Variants in UNC5C observed in about 807,000 individuals in gnomAD.
UNC5C encodes netrin receptor UNC5C.
A neutral mutation model predicts 99.8 loss-of-function variants in UNC5C; 47 were observed. The observed-to-expected ratio is 0.47, with a 90% CI of 0.37 to 0.60. UNC5C has a LOEUF of 0.60. Among genes scored for constraint, UNC5C ranks in the 20% least tolerant of loss-of-function variants. UNC5C has a pLI of 0.00. For missense variants in UNC5C, 1,062 were observed against 1,165.9 expected, an observed-to-expected ratio of 0.91 and a Z score of 1.30; for synonymous variants, 487 against 452.2, an observed-to-expected ratio of 1.08 and a Z score of -0.98.
chr4:95,190,324 A>T (rs1737022285), intron 12 of UNC5C, among the ~76,000 whole-genome samples: 1 of 128,866 alleles, frequency 7.8e-6, no homozygotes, highest in Non-Finnish European at 1.6e-5. Context: ...GGAACATCAC[A>T]CACCGGGGAC....
At chr4:95,287,510 A>G (rs1741278271) in intron 3 of UNC5C, among the ~76,000 whole-genome samples, 1 of 152,218 alleles carries the variant, frequency 6.6e-6, no homozygotes, top group Non-Finnish European at 1.5e-5. Context: ...AAGAGTGGTT[A>G]TGATCTGAAT....
At chr4:95,256,857 A>C (rs1740017242) in intron 4 of UNC5C, among the ~76,000 whole-genome samples, 1 of 151,872 alleles carries the variant, frequency 6.6e-6, no homozygotes, top group Non-Finnish European at 1.5e-5. Context: ...GGAAGGGTCC[A>C]GCATGGGACG....
intron 7 of UNC5C, among the ~76,000 whole-genome samples, chr4:95,228,475 CAA>C (rs768991536): frequency 6.6e-5 from 10 of 152,174 alleles, no homozygotes; most frequent in Non-Finnish European, 1.5e-4. Flanking sequence ...CACAAACTTG[CAA>C]ACCCCCAGGA....
At chr4:95,214,161 T>C (rs1233597954) in intron 10 of UNC5C, among the ~76,000 whole-genome samples, 2 of 152,222 alleles carry the variant, frequency 1.3e-5, no homozygotes, top group Non-Finnish European at 1.5e-5. Flanking sequence ...ATTCTTGCCA[T>C]TGTGTTTTAC....
chr4:95,227,139 G>GTT (rs11366627), intron 7 of UNC5C, among the ~76,000 whole-genome samples: 22 of 144,828 alleles, frequency 1.5e-4, no homozygotes, highest in African/African-American at 4.9e-4. Context: ...TTAAAACAAT[G>GTT]TTTTTTTTTT....
intron 1 of UNC5C, among the ~76,000 whole-genome samples, chr4:95,514,676 T>G (rs1722169147): frequency 6.7e-6 from 1 of 149,666 alleles, no homozygotes; most frequent in Non-Finnish European, 1.5e-5. Context: ...TACACATATA[T>G]ATATATTTTT....
intron 1 of UNC5C, among the ~76,000 whole-genome samples, chr4:95,358,602 G>GT (rs1035952575): frequency 4.6e-5 from 7 of 152,108 alleles, no homozygotes; most frequent in Non-Finnish European, 7.4e-5. Flanking sequence ...CCTTCTCCAC[G>GT]TGAGTCCTCA....
chr4:95,333,737 G>A (rs1168631077), intron 2 of UNC5C, among the ~76,000 whole-genome samples: 4 of 151,650 alleles, frequency 2.6e-5, no homozygotes, highest in African/African-American at 9.7e-5. Context: ...AAAAAGAATA[G>A]TTTTGTTTCT....
intron 1 of UNC5C, among the ~76,000 whole-genome samples, chr4:95,341,504 AG>A (rs1743578813): frequency 6.7e-6 from 1 of 148,608 alleles, no homozygotes; most frequent in African/African-American, 2.5e-5. Context: ...AAGAAGAAAG[AG>A]AGAGAAAGAA....
At chr4:95,423,483 T>G (rs1443827576) in intron 1 of UNC5C, among the ~76,000 whole-genome samples, 5 of 152,222 alleles carry the variant, frequency 3.3e-5, no homozygotes, top group African/African-American at 1.2e-4. Flanking sequence ...ATTCTATCCA[T>G]GGATCACTAC....
intron 1 of UNC5C, among the ~76,000 whole-genome samples, chr4:95,438,726 G>A (rs1746861435): frequency 6.6e-6 from 1 of 152,102 alleles, no homozygotes; most frequent in Non-Finnish European, 1.5e-5. Flanking sequence ...TTTCCATTCT[G>A]CATCTGATGA....
chr4:95,450,153 C>T (rs148602029), intron 1 of UNC5C, among the ~76,000 whole-genome samples: 14 of 152,338 alleles, frequency 9.2e-5, no homozygotes, highest in African/African-American at 3.4e-4. Context: ...TCCACCATGT[C>T]ATCACTGCAT....
chr4:95,249,773 C>T (rs1187219007), intron 5 of UNC5C, among the ~76,000 whole-genome samples: 2 of 152,178 alleles, frequency 1.3e-5, no homozygotes, highest in African/African-American at 4.8e-5. Context: ...TAAGAAGTTG[C>T]TTCGTTGGAC....
Position 95,182,331 on chromosome 4 carries a change from A to C in UNC5C, c.2451+566T>G, listed in dbSNP as rs1370258546. Among the ~76,000 whole-genome samples, 7 of 152,144 alleles carry C rather than the reference A, an allele frequency of 4.6e-5. 1 individual carries two copies. ...GGCATATTTCCCCCATCCCGGAGGA[A>C]AGTGTATCTCTCTTTATATTTAGAG... On this transcript the variant is annotated intron_variant, in intron 14 of 15. Coordinates refer to ENST00000453304, the MANE Select transcript of UNC5C (RefSeq NM_003728.4).
chr4:95,354,479 A>ATATATATATATATATATT, intron 1 of UNC5C, among the ~76,000 whole-genome samples: 16 of 110,344 alleles, frequency 1.5e-4, no homozygotes, highest in African/African-American at 4.0e-4. Flanking sequence ...ATATATATAT[A>ATATATATATATATATATT]TTTTTTTTTT....
Position 95,374,513 on chromosome 4 carries a change from T to G in UNC5C, c.125-38882A>C, listed in dbSNP as rs537618512. Among the ~76,000 whole-genome samples the G allele has an allele frequency of 3.3e-5, 5 of 152,040 alleles. No individual in the cohort carries two copies. In the South Asian group the frequency reaches 1.0e-3, roughly 32 times the overall value. On this transcript the variant is annotated intron_variant, in intron 1 of 15. Coordinates refer to ENST00000453304, the MANE Select transcript of UNC5C (RefSeq NM_003728.4). ...GTCGCTCCTTGGCCTCCCCTCAGAA[T>G]CAGGGATTTACACACTGACAGCAAG...
At chr4:95,531,287 C>T (rs1474109343) in intron 1 of UNC5C, among the ~76,000 whole-genome samples, 2 of 152,166 alleles carry the variant, frequency 1.3e-5, no homozygotes, top group African/African-American at 2.4e-5. Context: ...CCATTATGGG[C>T]ACCTGCTGCT....
At chr4:95,389,382 G>A (rs538460974) in intron 1 of UNC5C, among the ~76,000 whole-genome samples, 2 of 152,202 alleles carry the variant, frequency 1.3e-5, no homozygotes, top group South Asian at 2.1e-4. Context: ...GCAAAATAAA[G>A]CACTAGTCAA....
Position 95,219,981 on chromosome 4 carries a change from T to C in UNC5C, c.1300+4A>G. The C allele has an allele frequency of 6.2e-7, 1 of 1,612,728 alleles. No homozygotes were observed. ...ACAGGGTGTGAAGTGGAATGTCAAC[T>C]GACCTTGTCTTGCTGCCTTGATGTT... On this transcript the variant is annotated splice_donor_region_variant and intron_variant, in intron 8 of 15. Coordinates refer to ENST00000453304, the MANE Select transcript of UNC5C (RefSeq NM_003728.4).
Sources: gnomAD v4.1 joint callset for allele counts (sites outside exome capture counted in the v4.1 genomes callset) on GRCh38, gnomAD v4.1.1 for gene constraint, MANE v1.5 for transcripts, NCBI Gene and HGNC (gene_info 2026-07-23, HGNC 2026-07-21) for gene names.